ITGA11: variants seen among roughly 807,000 people sequenced by gnomAD.
ITGA11 encodes the protein integrin subunit alpha 11.
ITGA11 carries 97 observed loss-of-function variants against 141.9 expected under a neutral mutation model. The ratio of observed to expected loss-of-function variants is 0.68; its 90% CI spans 0.58 to 0.81. The LOEUF (loss-of-function observed/expected upper bound fraction) is 0.81. Among genes scored for constraint, ITGA11 ranks in the 30% least tolerant of loss-of-function variants. The pLI, the probability that ITGA11 is intolerant of heterozygous loss-of-function variation, is 0.00. For synonymous variants in ITGA11, 658 were observed against 624.6 expected (o/e 1.05, Z -0.80); for missense variants, 1,387 against 1,559.2 (o/e 0.89, Z 1.86).
intron 26 of ITGA11, among the ~76,000 whole-genome samples, chr15:68,309,977 C>G (rs1453072930): frequency 1.3e-5 from 2 of 151,982 alleles, no homozygotes; most frequent in East Asian, 3.9e-4. Context: ...GATTAGCAAA[C>G]CAAAAGAAGT....
Position 68,335,849 on chromosome 15 carries a change from C to A in ITGA11, c.1277-4G>T. The A allele has an allele frequency of 6.2e-7, 1 of 1,612,076 alleles. No individual in the cohort carries two copies. Among genetic ancestry groups the A allele is most frequent in the Non-Finnish European group, 8.5e-7 (1 of 1,179,114 alleles). ...ACGACCGATGTGACTGTGTACCCTG[C>A]CACAGGAGGAAACAGGCTGATCTTT... is the stretch of plus-strand genomic sequence containing the variant. On this transcript the variant is annotated splice_polypyrimidine_tract_variant and splice_region_variant and intron_variant, in intron 11 of 29. Coordinates refer to ENST00000315757, the MANE Select transcript of ITGA11 (RefSeq NM_001004439.2). The surrounding 1 kb of genome is among the most constrained non-coding windows in gnomAD (Gnocchi z 4.9).
chr15:68,389,932 T>C (rs529300334), intron 2 of ITGA11, among the ~76,000 whole-genome samples: 7 of 152,312 alleles, frequency 4.6e-5, no homozygotes, highest in Admixed American at 1.3e-4. Flanking sequence ...AAGCCCTGCA[T>C]TGGAGCTGCT....
In ITGA11 at chr15:68,396,985, TTTATTATATAATATATAATATATATTAC is replaced by T. The variant is rs1348406720; in HGVS notation, c.164+5905_164+5932del. ...ATAATAAATAATATATTATATATTATTTATTATATAATATATAATATATATTACTTATTATATAATATATAAATTATTT... is the reference window on the plus strand; with the variant it reads ...ATAATAAATAATATATTATATATTATTTATTATATAATATATAAATTATTT... On this transcript the variant is annotated intron_variant, in intron 2 of 29. Transcript: ENST00000315757. Among the ~76,000 whole-genome samples the T allele has an allele frequency of 1.8e-3, 72 of 40,492 alleles. 15 individuals are homozygous for T. Among genetic ancestry groups the T allele is most frequent in the East Asian group, 6.5e-3 (3 of 464 alleles). 26.6% of individuals were successfully genotyped at this position (40,492 alleles called of 152,430 possible).
At chr15:68,359,731 A>T (rs1004878886) in intron 5 of ITGA11, among the ~76,000 whole-genome samples, 1 of 151,422 alleles carries the variant, frequency 6.6e-6, no homozygotes, top group Non-Finnish European at 1.5e-5. Context: ...TTAAGAAAAT[A>T]TTGGCCATAA....
Position 68,313,710 on chromosome 15 carries a change from C to T in ITGA11, c.2882+69G>A, listed in dbSNP as rs1008131830. 3 of 1,224,246 alleles carry T rather than the reference C, an allele frequency of 2.5e-6. No individual in the cohort carries two copies. The African/African-American group carries it at 4.5e-5, about 18-fold the overall frequency. 75.8% of individuals were successfully genotyped at this position (1,224,246 alleles called of 1,614,324 possible). On this transcript the variant is annotated intron_variant, in intron 23 of 29. Coordinates refer to ENST00000315757, the MANE Select transcript of ITGA11 (RefSeq NM_001004439.2). ...CTATTAGGGCCCATCAGAGGATGCC[C>T]CCCCTTAGGCCTCCCTCCTCCCATT...
chr15:68,395,225 C>A (rs909433805), intron 2 of ITGA11, among the ~76,000 whole-genome samples: 1 of 152,162 alleles, frequency 6.6e-6, no homozygotes, highest in African/African-American at 2.4e-5. Context: ...TGGGGAGAAA[C>A]CAGAGCAGAA....
chr15:68,315,070 C>T (rs1380580152), intron 22 of ITGA11, among the ~76,000 whole-genome samples: 1 of 152,068 alleles, frequency 6.6e-6, no homozygotes, highest in East Asian at 1.9e-4. Context: ...GACAGACAGA[C>T]AGATAGACAG....
At chr15:68,398,096 T>C (rs1310269513) in intron 2 of ITGA11, among the ~76,000 whole-genome samples, 1 of 151,758 alleles carries the variant, frequency 6.6e-6, no homozygotes, top group Non-Finnish European at 1.5e-5. Flanking sequence ...CTGCATCAAC[T>C]AACCAGCAAA....
intron 2 of ITGA11, among the ~76,000 whole-genome samples, chr15:68,370,051 C>T (rs1207835794): frequency 2.6e-5 from 4 of 152,116 alleles, no homozygotes; most frequent in African/African-American, 9.7e-5. Flanking sequence ...CCAAGGAGCG[C>T]CCGGGACCAC....
At chr15:68,374,662 G>A (rs1895683712) in intron 2 of ITGA11, among the ~76,000 whole-genome samples, 1 of 152,230 alleles carries the variant, frequency 6.6e-6, no homozygotes, top group Non-Finnish European at 1.5e-5. Flanking sequence ...AATGAGCCAA[G>A]GCCATGAATT....
intron 1 of ITGA11, among the ~76,000 whole-genome samples, chr15:68,406,108 G>A (rs1896645900): frequency 6.6e-6 from 1 of 152,156 alleles, no homozygotes; most frequent in Non-Finnish European, 1.5e-5. Flanking sequence ...AGGGGTGAGG[G>A]CCAGTGAAGG....
intron 19 of ITGA11, among the ~76,000 whole-genome samples, chr15:68,320,800 T>A (rs941134235): frequency 3.9e-5 from 6 of 152,266 alleles, no homozygotes; most frequent in African/African-American, 1.4e-4. Flanking sequence ...AAGTTTTGAA[T>A]GTGCTATTTC....
At chr15:68,356,373 G>A (rs1895071201) in intron 7 of ITGA11, among the ~76,000 whole-genome samples, 1 of 151,832 alleles carries the variant, frequency 6.6e-6, no homozygotes, top group Non-Finnish European at 1.5e-5. Flanking sequence ...CAAAGTGCTA[G>A]GATTACAGGT....
intron 26 of ITGA11, among the ~76,000 whole-genome samples, chr15:68,309,205 G>A (rs1893299460): frequency 6.6e-6 from 1 of 152,218 alleles, no homozygotes; most frequent in Admixed American, 6.5e-5. Context: ...ACACAGATCA[G>A]TCAAGAGCAA....
At chr15:68,357,066 T>G (rs1233197663) in intron 7 of ITGA11, 85 bp downstream of exon 7, 12 of 1,226,548 alleles carry the variant, frequency 9.8e-6, no homozygotes, top group Non-Finnish European at 1.4e-5. Flanking sequence ...GTACTAAATT[T>G]TGTGGTAGTG....
intron 2 of ITGA11, among the ~76,000 whole-genome samples, chr15:68,400,990 A>T (rs1896495478): frequency 7.9e-6 from 1 of 126,788 alleles, no homozygotes; most frequent in African/African-American, 3.0e-5. Flanking sequence ...TATATATATA[A>T]AAGGCCTTTA....
Position 68,422,128 on chromosome 15 carries a change from C to T in ITGA11, c.52+9887G>A, listed in dbSNP as rs138639507. On this transcript the variant is annotated intron_variant, in intron 1 of 29. Transcript: ENST00000315757. ...GGGATAGAGGCTCTGTGCCGTGGGGCGCTCCCTCTCACTCAGGCCCGCACC... is the reference window on the plus strand; with the variant it reads ...GGGATAGAGGCTCTGTGCCGTGGGGTGCTCCCTCTCACTCAGGCCCGCACC... Among the ~76,000 whole-genome samples, 756 of 152,240 alleles carry T rather than the reference C, an allele frequency of 5.0e-3. 9 individuals are homozygous for T. The highest frequency in any genetic ancestry group is 0.017 in the African/African-American group (700 of 41,518).
chr15:68,297,771 C>G lies in ITGA11; in HGVS notation c.*5288G>C, dbSNP rs925065550. The G allele has an allele frequency of 2.6e-5, 4 of 152,080 alleles. No homozygotes were observed. The highest frequency in any genetic ancestry group is 6.6e-5 in the Admixed American group (1 of 15,256). 9.4% of individuals were successfully genotyped at this position (152,080 alleles called of 1,614,324 possible). A position where few individuals can be genotyped will look rare whatever the true frequency, so the allele number is the denominator to read the frequency against. Reference sequence around the variant, plus strand: ...ATTAAAGGGTGGTATTGGAGCACACCCTCAGGACATGTTTGTTTTCAAATT... The same window carrying G: ...ATTAAAGGGTGGTATTGGAGCACACGCTCAGGACATGTTTGTTTTCAAATT... On this transcript the variant is annotated 3_prime_UTR_variant, in exon 30 of 30. Coordinates refer to ENST00000315757, the MANE Select transcript of ITGA11 (RefSeq NM_001004439.2).
chr15:68,384,053 C>A (rs533159829), intron 2 of ITGA11, among the ~76,000 whole-genome samples: 14 of 152,012 alleles, frequency 9.2e-5, no homozygotes, highest in Middle Eastern at 3.4e-3. Context: ...GTGCGTCTTA[C>A]CTCTAAAAGC....
Sources: allele counts gnomAD v4.1 joint callset (sites outside exome capture counted in the v4.1 genomes callset), GRCh38; gene constraint gnomAD v4.1.1; non-coding constraint Gnocchi (gnomAD v3.1); transcripts MANE v1.5; gene names NCBI Gene and HGNC (gene_info 2026-07-23, HGNC 2026-07-21).